GTF2A1L: variants seen among roughly 807,000 people sequenced by gnomAD.
The protein encoded by GTF2A1L is TFIIA-alpha and beta-like factor.
GTF2A1L carries 48 observed loss-of-function variants against 49.7 expected under a neutral mutation model. The observed-to-expected ratio is 0.97, with a 90% CI of 0.77 to 1.23. GTF2A1L has a LOEUF of 1.23. Ranked by LOEUF, GTF2A1L falls within the 50% of genes most tolerant of loss-of-function variation. GTF2A1L has a pLI of 0.00. For missense variants in GTF2A1L, 736 were observed against 564.8 expected, an observed-to-expected ratio of 1.30 and a Z score of -3.07; for synonymous variants, 246 against 193.5, an observed-to-expected ratio of 1.27 and a Z score of -2.25.
Position 48,623,615 on chromosome 2 carries a change from T to C in GTF2A1L, c.247+2325T>C, listed in dbSNP as rs568142921. ...TCTAACAAAAAGACACCCACACTTG[T>C]ATGTTTATTGCAGTACTACTCACAT... On this transcript the variant is annotated intron_variant, in intron 3 of 8. Transcript: ENST00000403751. Among the ~76,000 whole-genome samples, 36 of 152,330 alleles carry C rather than the reference T, an allele frequency of 2.4e-4. No individual in the cohort carries two copies. In the South Asian group the frequency reaches 7.3e-3, roughly 31 times the overall value.
At chr2:48,653,357 C>T (rs1444580396) in intron 6 of GTF2A1L, among the ~76,000 whole-genome samples, 1 of 152,108 alleles carries the variant, frequency 6.6e-6, no homozygotes, top group East Asian at 1.9e-4. Flanking sequence ...TACAACCCTA[C>T]CTGAGATAGA....
intron 3 of GTF2A1L, among the ~76,000 whole-genome samples, chr2:48,628,035 G>GTTGCTGCAAAGGACATGATTTCTTTGT (rs1676383891): frequency 6.9e-6 from 1 of 144,072 alleles, no homozygotes; most frequent in Non-Finnish European, 1.6e-5. Flanking sequence ...CAGCATTCGT[G>GTTGCTGCAAAGGACATGATTTCTTTGT]TTGCTGCAAA....
chr2:48,644,669 C>T (rs1572726979), intron 4 of GTF2A1L, among the ~76,000 whole-genome samples: 1 of 152,106 alleles, frequency 6.6e-6, no homozygotes. Flanking sequence ...TTTGAGAGAA[C>T]CAATTTTTAT....
rs1677779820 is a variant in GTF2A1L at position 48,650,352 on chromosome 2, T to C, written c.978+3310T>C. 3.9e-5 allele frequency among the ~76,000 whole-genome samples: 6 copies of C among 152,220 alleles called. No homozygotes were observed. The South Asian group carries it at 1.2e-3, about 32-fold the overall frequency. ...ACCCTAAGAGATTAAATCTAATTGA[T>C]CTGGAATGAGGCTTAGTCATCAATA... On this transcript the variant is annotated intron_variant, in intron 6 of 8. Transcript: ENST00000403751.
chr2:48,661,933 G>A (rs79815762), intron 6 of GTF2A1L, among the ~76,000 whole-genome samples: 14 of 152,126 alleles, frequency 9.2e-5, no homozygotes, highest in South Asian at 8.3e-4. Flanking sequence ...AACTCTTGCC[G>A]TTTTGCTGTT....
At chr2:48,618,140 A>C in intron 1 of GTF2A1L, 3 of 505,356 alleles carry the variant, frequency 5.9e-6, no homozygotes, top group South Asian at 3.0e-5. Flanking sequence ...TTTTTACCCA[A>C]ACTGAGGCTA....
intron 4 of GTF2A1L, among the ~76,000 whole-genome samples, chr2:48,642,971 G>A (rs1045006253): frequency 3.3e-5 from 5 of 152,130 alleles, no homozygotes; most frequent in Admixed American, 6.5e-5. Context: ...AAGTTTTCCT[G>A]TCTTTCAGAG....
chr2:48,666,555 T>G (rs1216896054), intron 6 of GTF2A1L, among the ~76,000 whole-genome samples: 1 of 151,670 alleles, frequency 6.6e-6, no homozygotes, highest in African/African-American at 2.4e-5. Context: ...GCCATTTATA[T>G]TCAATATAGT....
At chr2:48,650,473 G>T (rs1017156942) in intron 6 of GTF2A1L, among the ~76,000 whole-genome samples, 1 of 152,044 alleles carries the variant, frequency 6.6e-6, no homozygotes, top group Non-Finnish European at 1.5e-5. Context: ...GGAGTGAGAG[G>T]ATAAGAGAAT....
At chr2:48,619,921 G>C (rs1429376589) in intron 1 of GTF2A1L, among the ~76,000 whole-genome samples, 1 of 152,132 alleles carries the variant, frequency 6.6e-6, no homozygotes, top group Admixed American at 6.5e-5. Context: ...GGATGGGTAA[G>C]GTTGTTCGTG....
At chr2:48,668,894 A>G (rs1679018036) in intron 6 of GTF2A1L, among the ~76,000 whole-genome samples, 5 of 151,660 alleles carry the variant, frequency 3.3e-5, no homozygotes, top group African/African-American at 1.2e-4. Context: ...ATGCCTATAA[A>G]ATACTTAGCA....
intron 6 of GTF2A1L, among the ~76,000 whole-genome samples, chr2:48,665,871 A>G (rs951571950): frequency 6.6e-6 from 1 of 152,090 alleles, no homozygotes; most frequent in Non-Finnish European, 1.5e-5. Context: ...ATTTCAGTCC[A>G]CTTTTTCTAT....
At chr2:48,649,827 A>T (rs752257947) in intron 6 of GTF2A1L, among the ~76,000 whole-genome samples, 3 of 152,182 alleles carry the variant, frequency 2.0e-5, no homozygotes, top group African/African-American at 4.8e-5. Context: ...TTCTCTGCCA[A>T]AGTTTCCTAT....
At chr2:48,620,079 T>C (rs996531103) in intron 1 of GTF2A1L, among the ~76,000 whole-genome samples, 3 of 152,236 alleles carry the variant, frequency 2.0e-5, no homozygotes, top group South Asian at 2.1e-4. Flanking sequence ...TTTTCTGGCT[T>C]GGAGTTTATT....
intron 6 of GTF2A1L, among the ~76,000 whole-genome samples, chr2:48,657,397 C>T (rs1678242114): frequency 6.6e-6 from 1 of 152,162 alleles, no homozygotes; most frequent in African/African-American, 2.4e-5. Flanking sequence ...AGGATGATGG[C>T]CTTCGGCAGT....
In GTF2A1L at chr2:48,672,468, G is replaced by A. The variant is rs1421701847; in HGVS notation, c.1329+788G>A. 3.3e-5 allele frequency among the ~76,000 whole-genome samples: 5 copies of A among 152,200 alleles called. No homozygotes were observed. In the East Asian group the frequency reaches 7.7e-4, roughly 23 times the overall value. ...GTAATTGGGTTTAAAAGCCAGATGTGTTTGATTTGGAAAAAGCAAATGGTA... is the reference window on the plus strand; with the variant it reads ...GTAATTGGGTTTAAAAGCCAGATGTATTTGATTTGGAAAAAGCAAATGGTA... On this transcript the variant is annotated intron_variant, in intron 8 of 8. Transcript: ENST00000403751.
At chr2:48,670,598 A>C (rs992757369) in intron 7 of GTF2A1L, among the ~76,000 whole-genome samples, 3 of 152,120 alleles carry the variant, frequency 2.0e-5, no homozygotes, top group African/African-American at 7.2e-5. Flanking sequence ...ATCCAGGTAG[A>C]GTGTGCTTAT....
chr2:48,640,050 G>C (rs553345398), intron 3 of GTF2A1L, among the ~76,000 whole-genome samples: 47 of 152,272 alleles, frequency 3.1e-4, no homozygotes, highest in Non-Finnish European at 5.3e-4. Flanking sequence ...AAAATGAACA[G>C]ATACTGGTGA....
chr2:48,669,264 A>G (rs888081083), intron 6 of GTF2A1L, among the ~76,000 whole-genome samples: 3 of 152,162 alleles, frequency 2.0e-5, no homozygotes, highest in African/African-American at 7.2e-5. Flanking sequence ...GCCTCATATA[A>G]GTGGAATCAT....
Sources: allele counts gnomAD v4.1 joint callset (sites outside exome capture counted in the v4.1 genomes callset), GRCh38; gene constraint gnomAD v4.1.1; transcripts MANE v1.5; gene names NCBI Gene and HGNC (gene_info 2026-07-23, HGNC 2026-07-21).